The following RABGAP1L variants were observed in gnomAD, a reference collection of about 807,000 sequenced individuals.
RABGAP1L encodes the protein RAB GTPase activating protein 1 like, also known as rab GTPase-activating protein 1-like.
RABGAP1L carries 63 observed loss-of-function variants against 137.7 expected under a neutral mutation model. The observed-to-expected ratio is 0.46, with a 90% CI of 0.37 to 0.56. The LOEUF is 0.56. RABGAP1L is among the 20% of genes least tolerant of loss of function. The pLI, the probability that RABGAP1L is intolerant of heterozygous loss-of-function variation, is 0.00. For missense variants in RABGAP1L, 1,095 were observed against 1,244.0 expected (o/e 0.88, Z 1.80); for synonymous variants, 431 against 433.7 (o/e 0.99, Z 0.08).
intron 13 of RABGAP1L, among the ~76,000 whole-genome samples, chr1:174,585,451 G>A (rs959260528): frequency 2.2e-4 from 34 of 152,166 alleles, no homozygotes; most frequent in Non-Finnish European, 1.0e-4. Flanking sequence ...TTCCCCAATT[G>A]GAAGTGAGAA....
intron 1 of RABGAP1L, among the ~76,000 whole-genome samples, chr1:174,192,081 G>A (rs1003715270): frequency 1.3e-5 from 2 of 152,040 alleles, no homozygotes; most frequent in Non-Finnish European, 2.9e-5. Context: ...GGAAGTAAAG[G>A]TATGTTCAAA....
At chr1:174,989,190 T>C (rs1671863523) in intron 25 of RABGAP1L, among the ~76,000 whole-genome samples, 1 of 152,212 alleles carries the variant, frequency 6.6e-6, no homozygotes, top group African/African-American at 2.4e-5. Flanking sequence ...CTCTGCTGTG[T>C]CTACCCTGAG....
At chr1:174,690,080 C>A (rs1458201763) in intron 15 of RABGAP1L, among the ~76,000 whole-genome samples, 1 of 152,168 alleles carries the variant, frequency 6.6e-6, no homozygotes, top group Non-Finnish European at 1.5e-5. Flanking sequence ...CTAATACACA[C>A]AAACATTTTA....
rs1409998499 is a variant in RABGAP1L at position 174,988,827 on chromosome 1, T to A, written c.2992T>A (p.Cys998Ser). Residue 998 changes from cysteine (C) to serine (S), a missense_variant, in exon 25 of 26, where the codon TGT becomes AGT. This residue lies in a region of RABGAP1L where 312 missense variants were observed against 435.6 expected (regional missense o/e 0.72). Coordinates refer to ENST00000681986, the MANE Select transcript of RABGAP1L (RefSeq NM_001366446.1). ...QTKLQLVEAK[C>S]KIQELEHQRG... Reference sequence around the variant, plus strand: ...CAAACTGCAGTTGGTGGAGGCCAAGTGTAAAATTCAGGTTGGTGATTTGAT... The same window carrying A: ...CAAACTGCAGTTGGTGGAGGCCAAGAGTAAAATTCAGGTTGGTGATTTGAT... 8 of 1,538,760 alleles carry A rather than the reference T, an allele frequency of 5.2e-6. No individual in the cohort carries two copies. The East Asian group carries it at 2.0e-4, about 38-fold the overall frequency.
intron 17 of RABGAP1L, 80 bp from the exon 18 acceptor site, chr1:174,752,233 T>A: frequency 1.0e-6 from 1 of 1,002,216 alleles, no homozygotes. Flanking sequence ...TTTTATTAAA[T>A]ATATGTGGAA....
At chr1:174,573,325 T>G (rs930045157) in intron 13 of RABGAP1L, among the ~76,000 whole-genome samples, 1 of 151,928 alleles carries the variant, frequency 6.6e-6, no homozygotes, top group Non-Finnish European at 1.5e-5. Flanking sequence ...TGTGTGTGTG[T>G]GTATATATAT....
At chr1:174,510,193 T>C (rs975853039) in intron 13 of RABGAP1L, among the ~76,000 whole-genome samples, 5 of 152,234 alleles carry the variant, frequency 3.3e-5, no homozygotes, top group African/African-American at 7.2e-5. Flanking sequence ...TTTGCATATA[T>C]GCCATACTCT....
intron 8 of RABGAP1L, among the ~76,000 whole-genome samples, chr1:174,275,543 A>G (rs576551414): frequency 6.6e-6 from 1 of 152,160 alleles, no homozygotes; most frequent in Non-Finnish European, 1.5e-5. Flanking sequence ...CAAGTTAAAT[A>G]CAACTTTGTA....
rs1263884182 is a variant in RABGAP1L at position 174,722,455 on chromosome 1, C to CT, written c.2169+20210dup. 3.5e-3 allele frequency among the ~76,000 whole-genome samples: 514 copies of CT among 144,972 alleles called. 3 individuals carry two copies. The highest frequency in any genetic ancestry group is 7.0e-3 in the Middle Eastern group (2 of 286). On this transcript the variant is annotated intron_variant, in intron 17 of 25. Coordinates refer to ENST00000681986, the MANE Select transcript of RABGAP1L (RefSeq NM_001366446.1). ...ATTTTTCCTTTTTTATCGCAAGCTTCTTTTTTTTTTTGAGACGGAGTTTCA... is the reference window on the plus strand; with the variant it reads ...ATTTTTCCTTTTTTATCGCAAGCTTCTTTTTTTTTTTTGAGACGGAGTTTCA...
intron 19 of RABGAP1L, among the ~76,000 whole-genome samples, chr1:174,935,749 A>T (rs1010407412): frequency 2.6e-5 from 4 of 152,144 alleles, no homozygotes; most frequent in African/African-American, 7.2e-5. Flanking sequence ...TGGGAGGCCG[A>T]GGCGGGCGGA....
intron 11 of RABGAP1L, among the ~76,000 whole-genome samples, chr1:174,351,741 A>G (rs557166850): frequency 6.6e-6 from 1 of 151,626 alleles, no homozygotes; most frequent in African/African-American, 2.4e-5. Context: ...ACCTTTTTAT[A>G]CTTGAATATT....
intron 12 of RABGAP1L, among the ~76,000 whole-genome samples, chr1:174,373,535 G>A (rs1282338690): frequency 1.3e-5 from 2 of 152,138 alleles, no homozygotes; most frequent in Non-Finnish European, 2.9e-5. Context: ...GAATTATGAG[G>A]ATCCTCATAG....
chr1:174,343,909 T>TAGA (rs1682205875), intron 11 of RABGAP1L, among the ~76,000 whole-genome samples: 1 of 152,184 alleles, frequency 6.6e-6, no homozygotes, highest in Non-Finnish European at 1.5e-5. Context: ...TGCTTTCCCC[T>TAGA]AGAAGTCTCT....
chr1:174,201,673 T>C (rs548199493), intron 1 of RABGAP1L, among the ~76,000 whole-genome samples: 4 of 152,074 alleles, frequency 2.6e-5, no homozygotes, highest in Admixed American at 6.6e-5. Context: ...AATTATACTT[T>C]AAGTTTTAGG....
rs139638028 is a variant in RABGAP1L, at chr1:174,625,723, A to C, written c.1711-11652A>C. Among the ~76,000 whole-genome samples, 215 of 152,350 alleles carry C rather than the reference A, an allele frequency of 1.4e-3. 1 individual carries two copies. Among genetic ancestry groups the C allele is most frequent in the African/African-American group, 4.8e-3 (198 of 41,588 alleles). On this transcript the variant is annotated intron_variant, in intron 13 of 25. Transcript: ENST00000681986. ...TTTCTAAAATTACTAAAAATTATTC[A>C]GCTTATAAAAATAATTATTAACTTT...
intron 14 of RABGAP1L, among the ~76,000 whole-genome samples, chr1:174,682,806 C>G (rs1343411982): frequency 1.3e-5 from 2 of 152,230 alleles, no homozygotes; most frequent in African/African-American, 4.8e-5. Flanking sequence ...TACGAATTGG[C>G]CTCTTTGGCT....
intron 13 of RABGAP1L, among the ~76,000 whole-genome samples, chr1:174,582,587 G>C (rs1668822765): frequency 1.3e-5 from 2 of 152,126 alleles, no homozygotes; most frequent in African/African-American, 4.8e-5. Flanking sequence ...TAAAAAGAGA[G>C]AGAGATGGAG....
rs115873562 is a variant in RABGAP1L at position 174,752,185 on chromosome 1, G to T, written c.2170-128G>T. On this transcript the variant is annotated intron_variant, in intron 17 of 25. Transcript: ENST00000681986. ...AAATACCTTTAAAAAAAAACTCATGGTTTAATTATTGTTTGTGAAGATGAA... is the reference window on the plus strand; with the variant it reads ...AAATACCTTTAAAAAAAAACTCATGTTTTAATTATTGTTTGTGAAGATGAA... 1.7e-3 allele frequency: 1,228 copies of T among 719,854 alleles called. 6 individuals carry two copies. The highest frequency in any genetic ancestry group is 0.014 in the African/African-American group (742 of 52,610). The allele number at this position is 719,854 out of a possible 1,614,324, so 44.6% of individuals were successfully genotyped here.
chr1:174,845,205 A>G (rs976958031), intron 19 of RABGAP1L, among the ~76,000 whole-genome samples: 17 of 100,164 alleles, frequency 1.7e-4, no homozygotes, highest in African/African-American at 4.8e-4. Flanking sequence ...TTCCTAATTG[A>G]ATACCTTTTA....
Sources: gnomAD v4.1 joint callset for allele counts (sites outside exome capture counted in the v4.1 genomes callset) on GRCh38, gnomAD v4.1.1 for gene constraint, gnomAD v4.1.1 regional missense constraint, MANE v1.5 for transcripts, NCBI Gene and HGNC (gene_info 2026-07-23, HGNC 2026-07-21) for gene names.